Variants in CAMKMT observed in about 807,000 individuals in gnomAD.
CAMKMT encodes CaM KMT.
CAMKMT carries 53 observed loss-of-function variants against 48.0 expected under a neutral mutation model. The ratio of observed to expected loss-of-function variants is 1.10; its 90% CI spans 0.89 to 1.39. The LOEUF (loss-of-function observed/expected upper bound fraction) is 1.39. Ranked by LOEUF, CAMKMT falls within the 40% of genes most tolerant of loss-of-function variation. CAMKMT has a pLI of 0.00. For synonymous variants in CAMKMT, 165 were observed against 152.3 expected (o/e 1.08, Z -0.61); for missense variants, 428 against 402.7 (o/e 1.06, Z -0.54).
intron 3 of CAMKMT, among the ~76,000 whole-genome samples, chr2:44,497,781 G>A (rs1669826612): frequency 6.6e-6 from 1 of 150,886 alleles, no homozygotes; most frequent in Admixed American, 6.8e-5. Flanking sequence ...CCCCAGAAGA[G>A]CAAGAAAGGC....
At chr2:44,709,930 A>G (rs1677784769) in intron 6 of CAMKMT, among the ~76,000 whole-genome samples, 1 of 152,178 alleles carries the variant, frequency 6.6e-6, no homozygotes, top group South Asian at 2.1e-4. Flanking sequence ...TGAATACATC[A>G]GTGAAATGTA....
At chr2:44,443,628 T>C (rs528753626) in intron 3 of CAMKMT, among the ~76,000 whole-genome samples, 165 of 152,292 alleles carry the variant, frequency 1.1e-3, no homozygotes, top group African/African-American at 3.8e-3. Flanking sequence ...AAAGGCATCA[T>C]CCTCATAATG....
chr2:44,650,863 A>C (rs1464360008), intron 3 of CAMKMT, among the ~76,000 whole-genome samples: 1 of 149,068 alleles, frequency 6.7e-6, no homozygotes, highest in Non-Finnish European at 1.5e-5. Context: ...AAAAAAAAAA[A>C]CAGTGGGAAA....
At chr2:44,708,412 G>T (rs574574939) in intron 6 of CAMKMT, among the ~76,000 whole-genome samples, 1 of 151,682 alleles carries the variant, frequency 6.6e-6, no homozygotes, top group African/African-American at 2.4e-5. Context: ...TCATCAAGCT[G>T]CTCAAACAGG....
At chr2:44,408,332 C>T (rs561518600) in intron 3 of CAMKMT, among the ~76,000 whole-genome samples, 2 of 151,982 alleles carry the variant, frequency 1.3e-5, no homozygotes, top group South Asian at 2.1e-4. Flanking sequence ...CCGTCTTTTA[C>T]TCTTTATAGA....
At position 44,657,303 on chromosome 2, in the gene CAMKMT, A is replaced by G. The variant is rs1468341955; in HGVS notation, c.377-46980A>G. 2.0e-5 allele frequency among the ~76,000 whole-genome samples: 3 copies of G among 152,206 alleles called. No individual in the cohort carries two copies. Among genetic ancestry groups the G allele is most frequent in the Non-Finnish European group, 2.9e-5 (2 of 68,040 alleles). ...TGCCAGAAGAGTGTTGCACAAGTTA[A>G]TTGATTTTCAGTGGTTACATATAAC... is the stretch of plus-strand genomic sequence containing the variant. On this transcript the variant is annotated intron_variant, in intron 3 of 10. Transcript: ENST00000378494. The surrounding 1 kb of genome is among the most constrained non-coding windows in gnomAD (Gnocchi z 4.3).
At chr2:44,532,169 A>G (rs142491404) in intron 3 of CAMKMT, among the ~76,000 whole-genome samples, 2 of 152,210 alleles carry the variant, frequency 1.3e-5, no homozygotes, top group African/African-American at 4.8e-5. Context: ...GCTACTTACA[A>G]TGTAGAGAGA....
chr2:44,745,068 C>G (rs1276365256), intron 8 of CAMKMT, among the ~76,000 whole-genome samples: 1 of 152,124 alleles, frequency 6.6e-6, no homozygotes, highest in Non-Finnish European at 1.5e-5. Flanking sequence ...AAAGAATCCT[C>G]CAGGTTTCAT....
rs147647697 is a variant in CAMKMT, at chr2:44,476,341, A to G, written c.376+86036A>G. 5.1e-3 allele frequency among the ~76,000 whole-genome samples: 772 copies of G among 152,256 alleles called. 5 individuals carry two copies. The highest frequency in any genetic ancestry group is 0.018 in the African/African-American group (746 of 41,544). On this transcript the variant is annotated intron_variant, in intron 3 of 10. Transcript: ENST00000378494. ...ATTGCAAATTCAAAAGATCCCACTCATTATCAATATGTGGTCCTTCTACAG... is the reference window on the plus strand; with the variant it reads ...ATTGCAAATTCAAAAGATCCCACTCGTTATCAATATGTGGTCCTTCTACAG...
intron 7 of CAMKMT, among the ~76,000 whole-genome samples, chr2:44,732,894 A>G (rs978018462): frequency 1.3e-4 from 20 of 152,156 alleles, no homozygotes; most frequent in African/African-American, 4.6e-4. Flanking sequence ...TTCTCCTCAC[A>G]GGATCTTTCA....
At chr2:44,754,160 T>A (rs1243286179) in intron 9 of CAMKMT, 42 bp downstream of exon 9, 2 of 1,444,330 alleles carry the variant, frequency 1.4e-6, no homozygotes, top group Non-Finnish European at 1.9e-6. Context: ...GGCTACAGAA[T>A]AATTAGTCTG....
chr2:44,664,952 A>G (rs955860044), intron 3 of CAMKMT, among the ~76,000 whole-genome samples: 3 of 152,228 alleles, frequency 2.0e-5, no homozygotes, highest in African/African-American at 4.8e-5. Flanking sequence ...GAAGGGCCCT[A>G]TAAAAGATAC....
chr2:44,503,129 T>TA (rs1216796536), intron 3 of CAMKMT, among the ~76,000 whole-genome samples: 1 of 152,138 alleles, frequency 6.6e-6, no homozygotes, highest in Admixed American at 6.6e-5. Context: ...TTTCATTATT[T>TA]AAAAAAATTC....
At chr2:44,683,478 C>T (rs1370231338) in intron 3 of CAMKMT, among the ~76,000 whole-genome samples, 2 of 152,160 alleles carry the variant, frequency 1.3e-5, no homozygotes, top group Non-Finnish European at 2.9e-5. Flanking sequence ...GCCCCTGGAT[C>T]CTTTAGACCT....
At chr2:44,619,682 A>G (rs2103926746) in intron 3 of CAMKMT, among the ~76,000 whole-genome samples, 1 of 152,318 alleles carries the variant, frequency 6.6e-6, no homozygotes, top group Non-Finnish European at 1.5e-5. Context: ...TTGAAATTTT[A>G]TAGCTAGCTC....
chr2:44,597,892 A>G (rs1327280654), intron 3 of CAMKMT, among the ~76,000 whole-genome samples: 1 of 151,788 alleles, frequency 6.6e-6, no homozygotes, highest in Non-Finnish European at 1.5e-5. Context: ...ATGCACCACC[A>G]CCCTGGGCTA....
At chr2:44,382,964 T>C (rs986076894) in intron 2 of CAMKMT, among the ~76,000 whole-genome samples, 52 of 152,146 alleles carry the variant, frequency 3.4e-4, no homozygotes, top group African/African-American at 1.2e-3. Flanking sequence ...GAAATTTAGT[T>C]TCTTGCAGCT....
chr2:44,484,196 G>GT lies in CAMKMT; in HGVS notation c.376+93903dup, dbSNP rs535607687. ...AAAAATAGGTGGATAGAGCCAATGG[G>GT]TTTTTTTTTTTTGGTAGAAACTGAC... On this transcript the variant is annotated intron_variant, in intron 3 of 10. Transcript: ENST00000378494. Among the ~76,000 whole-genome samples the GT allele has an allele frequency of 8.7e-3, 1,250 of 143,246 alleles. 8 individuals carry two copies. The highest frequency in any genetic ancestry group is 9.6e-3 in the Non-Finnish European group (622 of 64,882). 94.0% of individuals were successfully genotyped at this position (143,246 alleles called of 152,430 possible). A position where few individuals can be genotyped will look rare whatever the true frequency, so the allele number is the denominator to read the frequency against.
intron 3 of CAMKMT, among the ~76,000 whole-genome samples, chr2:44,421,304 A>G (rs1211506964): frequency 2.6e-5 from 4 of 152,168 alleles, no homozygotes. Context: ...ATGTGAAGAA[A>G]TTTTATTTAC....
Sources: gnomAD v4.1 joint callset for allele counts (sites outside exome capture counted in the v4.1 genomes callset) on GRCh38, gnomAD v4.1.1 for gene constraint, Gnocchi (gnomAD v3.1) non-coding constraint, MANE v1.5 for transcripts, NCBI Gene and HGNC (gene_info 2026-07-23, HGNC 2026-07-21) for gene names.